ASCC3: variants seen among roughly 807,000 people sequenced by gnomAD.
ASCC3 encodes ASC-1 complex subunit P200.
In ASCC3, 158 loss-of-function variants were observed where a neutral mutation model predicts 256.3. That is an observed-to-expected ratio of 0.62 (90% CI 0.54 to 0.70). ASCC3 has a LOEUF of 0.70. Among genes scored for constraint, ASCC3 ranks in the 30% least tolerant of loss-of-function variants. ASCC3 has a pLI of 0.00. For synonymous variants in ASCC3, 948 were observed against 883.4 expected (o/e 1.07, Z -1.30); for missense variants, 2,259 against 2,626.0 (o/e 0.86, Z 3.05).
chr6:100,538,914 G>A (rs866838275), intron 37 of ASCC3, among the ~76,000 whole-genome samples: 19 of 151,700 alleles, frequency 1.3e-4, no homozygotes, highest in African/African-American at 3.4e-4. Context: ...GTAGAAAATC[G>A]AAATCCTTTA....
chr6:100,634,743 C>T (rs974110578), intron 25 of ASCC3, among the ~76,000 whole-genome samples: 7 of 151,014 alleles, frequency 4.6e-5, no homozygotes, highest in African/African-American at 9.7e-5. Context: ...AAAAGACAGC[C>T]GGGCATGTGG....
chr6:100,756,983 G>A (rs1021692078), intron 10 of ASCC3, among the ~76,000 whole-genome samples: 1 of 152,082 alleles, frequency 6.6e-6, no homozygotes, highest in Non-Finnish European at 1.5e-5. Flanking sequence ...AATATGCAAT[G>A]CTCACAGATG....
At chr6:100,817,202 T>C (rs1219944994) in intron 4 of ASCC3, among the ~76,000 whole-genome samples, 1 of 151,916 alleles carries the variant, frequency 6.6e-6, no homozygotes, top group African/African-American at 2.4e-5. Context: ...ATTGGAAAAC[T>C]TACAAATACG....
chr6:100,670,605 T>C (rs1776697317), intron 14 of ASCC3, among the ~76,000 whole-genome samples: 1 of 127,872 alleles, frequency 7.8e-6, no homozygotes, highest in Admixed American at 8.9e-5. Flanking sequence ...AAAAGTCATC[T>C]GTGCATGTTC....
chr6:100,779,953 T>C (rs1244427977), intron 8 of ASCC3, among the ~76,000 whole-genome samples: 2 of 152,044 alleles, frequency 1.3e-5, no homozygotes, highest in Non-Finnish European at 2.9e-5. Flanking sequence ...AACAAACAAA[T>C]TAATCCTAGA....
intron 33 of ASCC3, among the ~76,000 whole-genome samples, chr6:100,604,992 G>A (rs548362952): frequency 2.0e-5 from 3 of 152,150 alleles, no homozygotes; most frequent in South Asian, 2.1e-4. Context: ...TTTGAGAAAG[G>A]GGTAGTGGTT....
intron 18 of ASCC3, among the ~76,000 whole-genome samples, chr6:100,652,187 A>C (rs1228907466): frequency 6.6e-6 from 1 of 152,154 alleles, no homozygotes; most frequent in East Asian, 1.9e-4. Context: ...AAAGAACAGC[A>C]AACAGGTTTA....
chr6:100,771,422 A>C (rs921515084), intron 8 of ASCC3, among the ~76,000 whole-genome samples: 10 of 152,170 alleles, frequency 6.6e-5, no homozygotes, highest in African/African-American at 2.4e-4. Context: ...AATTTGACTT[A>C]AGCAAAATGG....
chr6:100,874,854 C>A (rs1773921365), intron 1 of ASCC3, among the ~76,000 whole-genome samples: 1 of 151,926 alleles, frequency 6.6e-6, no homozygotes, highest in Non-Finnish European at 1.5e-5. Context: ...AGGACCTAGA[C>A]AAGGTTATTA....
At chr6:100,814,519 A>T (rs1183647116) in intron 4 of ASCC3, among the ~76,000 whole-genome samples, 1 of 152,138 alleles carries the variant, frequency 6.6e-6, no homozygotes. Context: ...TAGAAATGGT[A>T]CCAGCTCTTC....
rs1774962791 is a variant in ASCC3, at chr6:100,638,639, C to T, written c.4084G>A (p.Ala1362Thr). 2 of 1,613,944 alleles carry T rather than the reference C, an allele frequency of 1.2e-6. No homozygotes were observed. Among genetic ancestry groups the T allele is most frequent in the East Asian group, 2.2e-5 (1 of 44,862 alleles). ...TATTTGTTGAAGACTCTGAAAATGG[C>T]TAATTCAGCTGCAACAGTCTTTCCC... ...GSGKTVAAEL[A>T]IFRVFNKYPT... The change falls in exon 25 of 42, where the codon GCC (alanine) becomes ACC (threonine). Residue 1362 changes from alanine (A) to threonine (T), a missense_variant. Transcript: ENST00000369162.
chr6:100,552,794 A>T (rs1277050435), intron 36 of ASCC3, among the ~76,000 whole-genome samples: 2 of 152,000 alleles, frequency 1.3e-5, no homozygotes, highest in African/African-American at 2.4e-5. Context: ...GTGTTTTTTA[A>T]TTAAAACTCA....
At chr6:100,557,516 AT>A (rs898149995) in intron 36 of ASCC3, among the ~76,000 whole-genome samples, 4 of 151,400 alleles carry the variant, frequency 2.6e-5, no homozygotes, top group South Asian at 2.1e-4. Flanking sequence ...TATTAAAATG[AT>A]TTTTTTTTGT....
At position 100,848,320 on chromosome 6, in the gene ASCC3, G is replaced by A. The variant is rs753443844; in HGVS notation, c.629C>T (p.Pro210Leu). The change falls in exon 4 of 42, where the codon CCA becomes CTA. Residue 210 changes from proline (P) to leucine (L), a missense_variant. Physicochemically the swap from Pro to Leu is moderately conservative, Grantham distance 98. Coordinates refer to ENST00000369162, the MANE Select transcript of ASCC3 (RefSeq NM_006828.4). ...TGTTTTTTCCACAGGCTTGAGTTCT[G>A]GGGTGCAAGCCTCCTGGAGATGTTC... ...LNEHLQEACTPELKPVEKTNG... is the reference protein window; with the variant it reads ...LNEHLQEACTLELKPVEKTNG... The A allele has an allele frequency of 1.7e-5, 27 of 1,613,912 alleles. No individual in the cohort carries two copies. Among genetic ancestry groups the A allele is most frequent in the Non-Finnish European group, 2.3e-5 (27 of 1,180,004 alleles).
At chr6:100,519,181 A>G (rs1175344083) in intron 37 of ASCC3, among the ~76,000 whole-genome samples, 2 of 152,128 alleles carry the variant, frequency 1.3e-5, no homozygotes, top group Admixed American at 6.6e-5. Flanking sequence ...TCTCTAATTT[A>G]CAAAAAGTGA....
intron 36 of ASCC3, among the ~76,000 whole-genome samples, chr6:100,568,006 C>G (rs541982211): frequency 6.6e-6 from 1 of 152,226 alleles, no homozygotes; most frequent in South Asian, 2.1e-4. Flanking sequence ...ACATTCCCAC[C>G]AACAGTTTGT....
intron 30 of ASCC3, among the ~76,000 whole-genome samples, chr6:100,613,385 G>A (rs953943372): frequency 6.6e-6 from 1 of 152,010 alleles, no homozygotes; most frequent in Non-Finnish European, 1.5e-5. Flanking sequence ...ACTTATGAGT[G>A]AGAACATGCA....
chr6:100,632,061 C>A (rs748504548), intron 25 of ASCC3, among the ~76,000 whole-genome samples: 2 of 148,780 alleles, frequency 1.3e-5, no homozygotes, highest in Non-Finnish European at 3.0e-5. Context: ...AAATTAAGAA[C>A]AAGAAAACTC....
rs78420080 is a variant in ASCC3 at position 100,562,950 on chromosome 6, G to T, written c.5551-22563C>A. Among the ~76,000 whole-genome samples the T allele has an allele frequency of 6.6e-3, 1,000 of 151,910 alleles. 9 individuals are homozygous for T. Among genetic ancestry groups the T allele is most frequent in the Non-Finnish European group, 0.011 (739 of 67,902 alleles). On this transcript the variant is annotated intron_variant, in intron 36 of 41. Coordinates refer to ENST00000369162, the MANE Select transcript of ASCC3 (RefSeq NM_006828.4). ...CCTGACAATTTCATAGGCTAAAAAG[G>T]TTGCCATTTTTTTTTCAATTTCTAT... is the stretch of plus-strand genomic sequence containing the variant.
Sources: gnomAD v4.1 joint callset for allele counts (sites outside exome capture counted in the v4.1 genomes callset) on GRCh38, gnomAD v4.1.1 for gene constraint, MANE v1.5 for transcripts, NCBI Gene and HGNC (gene_info 2026-07-23, HGNC 2026-07-21) for gene names.